The following KCNN2 variants were observed in gnomAD, a reference collection of about 807,000 sequenced individuals.
The protein encoded by KCNN2 is small conductance calcium-activated potassium channel protein 2.
A neutral mutation model predicts 55.5 loss-of-function variants in KCNN2; 24 were observed. The observed-to-expected ratio is 0.43, with a 90% CI of 0.31 to 0.61. The LOEUF is 0.61. Ranked by LOEUF, KCNN2 falls within the 20% of genes least tolerant of loss-of-function variation. The pLI is 0.08. For synonymous variants in KCNN2, 431 were observed against 336.1 expected (o/e 1.28, Z -3.09); for missense variants, 754 against 853.6 (o/e 0.88, Z 1.45).
intron 6 of KCNN2, among the ~76,000 whole-genome samples, chr5:114,490,424 A>T (rs1747791842): frequency 6.6e-6 from 1 of 152,218 alleles, no homozygotes; most frequent in Non-Finnish European, 1.5e-5. Flanking sequence ...TGATGACTTT[A>T]TGCATGCTCT....
In KCNN2 at chr5:114,232,922, C is replaced by CTCGTTT. The variant is rs200715120; in HGVS notation, c.-185+11358_-185+11359insCGTTTT. Among the ~76,000 whole-genome samples, 65 of 44,038 alleles carry CTCGTTT rather than the reference C, an allele frequency of 1.5e-3. 6 individuals are homozygous for CTCGTTT. Among genetic ancestry groups the CTCGTTT allele is most frequent in the Non-Finnish European group, 2.5e-3 (55 of 21,664 alleles). The allele number at this position is 44,038 out of a possible 152,430, so 28.9% of individuals were successfully genotyped here. ...TCAGAGGTAATTTTTTATATTGTTT[C>CTCGTTT]TTGTTTTTTTTTTTTTGAGACGGAG... On this transcript the variant is annotated intron_variant, in intron 2 of 10. Transcript: ENST00000512097.
intron 1 of KCNN2, among the ~76,000 whole-genome samples, chr5:114,159,584 G>C (rs138788562): frequency 6.6e-6 from 1 of 152,134 alleles, no homozygotes; most frequent in Non-Finnish European, 1.5e-5. Flanking sequence ...AATGGTACCA[G>C]TTCCTCCTTG....
intron 2 of KCNN2, among the ~76,000 whole-genome samples, chr5:114,225,396 A>G (rs2112597271): frequency 6.6e-6 from 1 of 152,324 alleles, no homozygotes; most frequent in South Asian, 2.1e-4. Flanking sequence ...TTTTCTAAGC[A>G]TTCTAAGCAC....
intron 1 of KCNN2, among the ~76,000 whole-genome samples, chr5:114,145,992 T>G (rs12513477): frequency 0.015 from 2,360 of 152,296 alleles, 46 homozygotes; most frequent in East Asian, 0.061. Flanking sequence ...GTCTCGTTGT[T>G]GCATGCATCT....
At chr5:114,332,331 G>A (rs1190257865) in intron 2 of KCNN2, among the ~76,000 whole-genome samples, 1 of 152,168 alleles carries the variant, frequency 6.6e-6, no homozygotes, top group East Asian at 1.9e-4. Context: ...AGACAGTTAG[G>A]AGTTTATTAG....
At chr5:114,454,248 T>A (rs1760819646) in intron 3 of KCNN2, among the ~76,000 whole-genome samples, 1 of 152,166 alleles carries the variant, frequency 6.6e-6, no homozygotes, top group African/African-American at 2.4e-5. Context: ...TCACTCTACA[T>A]CATCTCAGGT....
chr5:114,310,356 C>A (rs1242452514), intron 2 of KCNN2, among the ~76,000 whole-genome samples: 6 of 152,102 alleles, frequency 3.9e-5, no homozygotes, highest in Admixed American at 1.3e-4. Context: ...TTCAGAGATG[C>A]CTTTGTGAAA....
chr5:114,475,632 T>G (rs1247145637), intron 5 of KCNN2, among the ~76,000 whole-genome samples: 1 of 152,160 alleles, frequency 6.6e-6, no homozygotes, highest in Non-Finnish European at 1.5e-5. Flanking sequence ...TTCCAAAGAT[T>G]TTAAGCTTTT....
At chr5:114,124,649 C>T (rs561665093) in intron 1 of KCNN2, among the ~76,000 whole-genome samples, 1 of 152,168 alleles carries the variant, frequency 6.6e-6, no homozygotes, top group South Asian at 2.1e-4. Context: ...GCGGCATTTT[C>T]CCTGGTCTTT....
At chr5:114,133,854 T>C (rs1752117443) in intron 1 of KCNN2, among the ~76,000 whole-genome samples, 1 of 152,226 alleles carries the variant, frequency 6.6e-6, no homozygotes, top group Non-Finnish European at 1.5e-5. Context: ...TACAAATCGT[T>C]AAAAATGCAC....
intron 2 of KCNN2, among the ~76,000 whole-genome samples, chr5:114,271,871 A>G (rs1217095516): frequency 6.6e-6 from 1 of 152,144 alleles, no homozygotes; most frequent in Non-Finnish European, 1.5e-5. Flanking sequence ...TCTCAACTTT[A>G]TCACCTATAA....
chr5:114,358,438 T>C (rs1443610288), upstream of KCNN2, among the ~76,000 whole-genome samples: 1 of 152,108 alleles, frequency 6.6e-6, no homozygotes, highest in Non-Finnish European at 1.5e-5. Flanking sequence ...GCAATTGTTG[T>C]AGGCCATAAG....
At position 114,323,649 on chromosome 5, in the gene KCNN2, A is replaced by ATTTTTT. The variant is rs6149185; in HGVS notation, c.-184-37283_-184-37278dup. Among the ~76,000 whole-genome samples the ATTTTTT allele has an allele frequency of 4.6e-4, 39 of 85,290 alleles. 3 individuals carry two copies. Among genetic ancestry groups the ATTTTTT allele is most frequent in the East Asian group, 4.3e-3 (10 of 2,320 alleles). The allele number at this position is 85,290 out of a possible 152,430, so 56.0% of individuals were successfully genotyped here. A position where few individuals can be genotyped will look rare whatever the true frequency, so the allele number is the denominator to read the frequency against. On this transcript the variant is annotated intron_variant, in intron 2 of 10. Transcript: ENST00000512097. ...TAAGTATCATGATATAAACATATCA[A>ATTTTTT]TTTTTTTTTTTTTTTTTTGCTGGTC... is the stretch of plus-strand genomic sequence containing the variant.
chr5:114,235,105 A>C (rs1022396830), intron 2 of KCNN2, among the ~76,000 whole-genome samples: 4 of 152,154 alleles, frequency 2.6e-5, no homozygotes, highest in African/African-American at 9.7e-5. Flanking sequence ...GGAGGACATC[A>C]TTTCAAAGTC....
At chr5:114,145,344 C>T (rs1752376655) in intron 1 of KCNN2, among the ~76,000 whole-genome samples, 2 of 152,130 alleles carry the variant, frequency 1.3e-5, no homozygotes, top group Admixed American at 1.3e-4. Flanking sequence ...ACAATCCTTC[C>T]ATATTAATTT....
chr5:114,296,503 G>A (rs928422085), intron 2 of KCNN2, among the ~76,000 whole-genome samples: 1 of 152,196 alleles, frequency 6.6e-6, no homozygotes, highest in African/African-American at 2.4e-5. Context: ...GAAACACCAA[G>A]AGGTCTCTGT....
chr5:114,279,135 C>T (rs773726584), intron 2 of KCNN2, among the ~76,000 whole-genome samples: 4 of 151,816 alleles, frequency 2.6e-5, no homozygotes, highest in Non-Finnish European at 5.9e-5. Flanking sequence ...TAATAATGCC[C>T]TTGCCATTTG....
At chr5:114,079,143 G>C (rs1750746683) in intron 1 of KCNN2, among the ~76,000 whole-genome samples, 1 of 152,026 alleles carries the variant, frequency 6.6e-6, no homozygotes, top group African/African-American at 2.4e-5. Context: ...AATTTCCTGG[G>C]TAAAATCAAG....
intron 1 of KCNN2, among the ~76,000 whole-genome samples, chr5:114,201,096 G>A (rs1753665504): frequency 6.6e-6 from 1 of 151,998 alleles, no homozygotes; most frequent in Admixed American, 6.6e-5. Flanking sequence ...GGTGGGTGAT[G>A]GCTGTAGCAG....
Sources: gnomAD v4.1 joint callset for allele counts (sites outside exome capture counted in the v4.1 genomes callset) on GRCh38, gnomAD v4.1.1 for gene constraint, MANE v1.5 for transcripts, NCBI Gene and HGNC (gene_info 2026-07-23, HGNC 2026-07-21) for gene names.